NUP35: variants seen among roughly 807,000 people sequenced by gnomAD.
The protein encoded by NUP35 is nucleoporin NUP35.
NUP35 carries 25 observed loss-of-function variants against 41.5 expected under a neutral mutation model. The ratio of observed to expected loss-of-function variants is 0.60; its 90% CI spans 0.44 to 0.84. NUP35 has a LOEUF of 0.84. NUP35 is among the 40% of genes least tolerant of loss of function. The pLI is 0.00. For synonymous variants in NUP35, 149 were observed against 130.7 expected, an observed-to-expected ratio of 1.14 and a Z score of -0.96; for missense variants, 396 against 396.6, an observed-to-expected ratio of 1.00 and a Z score of 0.01.
upstream of NUP35, chr2:183,124,370 G>A (rs183511910): frequency 1.4e-5 from 22 of 1,611,988 alleles, no homozygotes; most frequent in East Asian, 2.2e-5. Flanking sequence ...ACCCCATAAG[G>A]TAGCACGCCG....
At chr2:183,159,685 T>G in intron 8 of NUP35, 33 bp downstream of exon 8, 2 of 1,552,488 alleles carry the variant, frequency 1.3e-6, no homozygotes, top group Non-Finnish European at 1.8e-6. Flanking sequence ...AAAGATGTAC[T>G]TTAATGGCTG....
chr2:183,143,254 T>C (rs1685165758), intron 4 of NUP35, among the ~76,000 whole-genome samples: 1 of 151,294 alleles, frequency 6.6e-6, no homozygotes, highest in Non-Finnish European at 1.5e-5. Flanking sequence ...TTCTTGCTCT[T>C]ATTGTCTCGT....
intron 2 of NUP35, among the ~76,000 whole-genome samples, chr2:183,129,108 G>T (rs1684604183): frequency 6.6e-6 from 1 of 152,170 alleles, no homozygotes; most frequent in African/African-American, 2.4e-5. Flanking sequence ...TAAGATACAA[G>T]AATAGGAAAT....
At chr2:183,153,078 A>G (rs1685526353) in intron 5 of NUP35, among the ~76,000 whole-genome samples, 1 of 152,186 alleles carries the variant, frequency 6.6e-6, no homozygotes, top group African/African-American at 2.4e-5. Flanking sequence ...AGCCCCTGAT[A>G]AACCCATCAG....
At chr2:183,118,675 C>T (rs1004617164) in intron 1 of NUP35, 1 of 152,136 alleles carries the variant, frequency 6.6e-6, no homozygotes, top group Non-Finnish European at 1.5e-5. Context: ...CTTGTGTCCT[C>T]AGGAGAGAAT....
At position 183,130,941 on chromosome 2, in the gene NUP35, C is replaced by T. The variant is rs538570885; in HGVS notation, c.339+396C>T. ...TTTAGAGTTTCATCTAGATCTAGGGCACTCGTCAGCTGAGAAGTAGTATGG... is the reference window on the plus strand; with the variant it reads ...TTTAGAGTTTCATCTAGATCTAGGGTACTCGTCAGCTGAGAAGTAGTATGG... On this transcript the variant is annotated intron_variant, in intron 3 of 8. Transcript: ENST00000295119. 28 of 1,152,268 alleles carry T rather than the reference C, an allele frequency of 2.4e-5. No homozygotes were observed. The South Asian group carries it at 4.7e-4, about 19-fold the overall frequency. 71.4% of individuals were successfully genotyped at this position (1,152,268 alleles called of 1,614,324 possible).
chr2:183,147,760 G>A lies in NUP35; in HGVS notation c.398-3748G>A, dbSNP rs144463061. Among the ~76,000 whole-genome samples the A allele has an allele frequency of 2.3e-3, 352 of 152,216 alleles. 1 individual carries two copies. The highest frequency in any genetic ancestry group is 0.017 in the Middle Eastern group (5 of 294). On this transcript the variant is annotated intron_variant, in intron 4 of 8. Coordinates refer to ENST00000295119, the MANE Select transcript of NUP35 (RefSeq NM_138285.5). ...TAGGAATTGTGTTGAATTCCTTTGG[G>A]CAATATGGTCATTTTAATGATGCTG...
chr2:183,161,100 C>G lies in NUP35; in HGVS notation c.950C>G (p.Ser317Cys). ...QTPKKDESLVSKAMEYMFGW is the reference protein window; with the variant it reads ...QTPKKDESLVCKAMEYMFGW ...CCAAAAAAAGATGAAAGTCTTGTAT[C>G]CAAAGCAATGGAGTACATGTTTGGC... Residue 317 changes from serine (S) to cysteine (C), a missense_variant, in exon 9 of 9, where the codon TCC becomes TGC. Ser to Cys is a moderately radical substitution (Grantham distance 112, BLOSUM62 -1). Coordinates refer to ENST00000295119, the MANE Select transcript of NUP35 (RefSeq NM_138285.5). 6.2e-7 allele frequency: 1 copy of G among 1,612,802 alleles called. No individual in the cohort carries two copies. Among genetic ancestry groups the G allele is most frequent in the South Asian group, 1.1e-5 (1 of 90,974 alleles).
Position 183,151,659 on chromosome 2 carries a change from G to T in NUP35, c.539+10G>T, listed in dbSNP as rs775116517. 1 of 1,606,540 alleles carries T rather than the reference G, an allele frequency of 6.2e-7. No individual in the cohort carries two copies. The highest frequency in any genetic ancestry group is 1.1e-5 in the South Asian group (1 of 89,284). Reference sequence around the variant, plus strand: ...GGGTGACTGTATTTGGGTAAGGTTTGCAGACCATTTGCCTTTTAAAAACCC... The same window carrying T: ...GGGTGACTGTATTTGGGTAAGGTTTTCAGACCATTTGCCTTTTAAAAACCC... On this transcript the variant is annotated intron_variant, in intron 5 of 8. Coordinates refer to ENST00000295119, the MANE Select transcript of NUP35 (RefSeq NM_138285.5).
chr2:183,119,690 G>A (rs1214763502), upstream of NUP35, among the ~76,000 whole-genome samples: 2 of 152,054 alleles, frequency 1.3e-5, no homozygotes, highest in Non-Finnish European at 2.9e-5. Flanking sequence ...TCTTTTTGGA[G>A]GGGGGTGGGC....
Position 183,133,640 on chromosome 2 carries a change from T to A in NUP35, c.397+17T>A. 2.9e-6 allele frequency: 1 copy of A among 339,640 alleles called. No homozygotes were observed. Among genetic ancestry groups the A allele is most frequent in the Non-Finnish European group, 4.0e-6 (1 of 249,766 alleles). 21.0% of individuals were successfully genotyped at this position (339,640 alleles called of 1,614,324 possible). A position where few individuals can be genotyped will look rare whatever the true frequency, so the allele number is the denominator to read the frequency against. ...CTGGAACAGGTAAGTGATTCTTTCTTTTTTTTTTTTTTTTTAAAAGACAGG... is the reference window on the plus strand; with the variant it reads ...CTGGAACAGGTAAGTGATTCTTTCTATTTTTTTTTTTTTTTAAAAGACAGG... On this transcript the variant is annotated intron_variant, in intron 4 of 8. Coordinates refer to ENST00000295119, the MANE Select transcript of NUP35 (RefSeq NM_138285.5).
rs1685221910 is a variant in NUP35 at position 183,144,835 on chromosome 2, G to A, written c.398-6673G>A. Among the ~76,000 whole-genome samples, 3 of 152,298 alleles carry A rather than the reference G, an allele frequency of 2.0e-5. No homozygotes were observed. The South Asian group carries it at 6.2e-4, about 32-fold the overall frequency. On this transcript the variant is annotated intron_variant, in intron 4 of 8. Transcript: ENST00000295119. ...AGTTATGTAAATAGTTTTAGATTAT[G>A]TATAAGTAATTATATTTTTCAGAGT...
At chr2:183,141,241 C>G (rs76763885) in intron 4 of NUP35, among the ~76,000 whole-genome samples, 2 of 152,156 alleles carry the variant, frequency 1.3e-5, no homozygotes, top group East Asian at 3.9e-4. Flanking sequence ...AGTAAAATCT[C>G]CTACTTCCCT....
chr2:183,133,692 TGCA>T, intron 4 of NUP35, 69 bp downstream of exon 4: 1 of 1,044,298 alleles, frequency 9.6e-7, no homozygotes, highest in Non-Finnish European at 1.3e-6. Flanking sequence ...CACGCTGGAG[TGCA>T]GTGGTGTGAT....
chr2:183,141,668 T>C (rs183909402), intron 4 of NUP35, among the ~76,000 whole-genome samples: 8 of 152,350 alleles, frequency 5.3e-5, no homozygotes, highest in African/African-American at 1.9e-4. Context: ...AGTCTAATTT[T>C]CTATGTGCCG....
intron 4 of NUP35, among the ~76,000 whole-genome samples, chr2:183,142,202 T>C (rs1396172358): frequency 6.6e-6 from 1 of 152,190 alleles, no homozygotes; most frequent in African/African-American, 2.4e-5. Context: ...TGGAACTTTT[T>C]CATTTGTTTT....
At chr2:183,117,768 T>C (rs1700008593) in intron 1 of NUP35, 1 of 152,180 alleles carries the variant, frequency 6.6e-6, no homozygotes, top group African/African-American at 2.4e-5. Flanking sequence ...CACTTATAAA[T>C]AGGTTGATGA....
rs537703783 is a variant in NUP35, at chr2:183,137,791, A to G, written c.397+4168A>G. ...CTGGGTGACAGGGAGACCTCAAAGA[A>G]AAAAAAAAAGGCAAAAACACATAAT... On this transcript the variant is annotated intron_variant, in intron 4 of 8. Transcript: ENST00000295119. Among the ~76,000 whole-genome samples the G allele has an allele frequency of 3.1e-4, 39 of 126,268 alleles. 3 individuals carry two copies. The South Asian group carries it at 0.011, about 37-fold the overall frequency. The allele number at this position is 126,268 out of a possible 152,430, so 82.8% of individuals were successfully genotyped here.
intron 5 of NUP35, among the ~76,000 whole-genome samples, chr2:183,155,529 T>TTTC (rs943185222): frequency 6.6e-6 from 1 of 152,144 alleles, no homozygotes; most frequent in African/African-American, 2.4e-5. Flanking sequence ...GTGTGTTTTT[T>TTTC]TTCTTCTTCT....
Sources: gnomAD v4.1 joint callset for allele counts (sites outside exome capture counted in the v4.1 genomes callset) on GRCh38, gnomAD v4.1.1 for gene constraint, MANE v1.5 for transcripts, NCBI Gene and HGNC (gene_info 2026-07-23, HGNC 2026-07-21) for gene names.